HYDIN: variants seen among roughly 807,000 people sequenced by gnomAD.
The protein encoded by HYDIN is HYDIN axonemal central pair apparatus protein.
In HYDIN, 132 loss-of-function variants were observed where a neutral mutation model predicts 403.9. The ratio of observed to expected loss-of-function variants is 0.33; its 90% CI spans 0.28 to 0.38. The LOEUF is 0.38. HYDIN is among the 10% of genes least tolerant of loss of function. HYDIN has a pLI of 1.00. For synonymous variants in HYDIN, 1,202 were observed against 1,891.7 expected, an observed-to-expected ratio of 0.64 and a Z score of 9.46; for missense variants, 2,827 against 5,009.5, an observed-to-expected ratio of 0.56 and a Z score of 13.15.
In HYDIN at chr16:71,162,512, G is replaced by A; in HGVS notation, c.716+19C>T. 1 of 1,562,618 alleles carries A rather than the reference G, an allele frequency of 6.4e-7. No homozygotes were observed. Among genetic ancestry groups the A allele is most frequent in the Non-Finnish European group, 8.8e-7 (1 of 1,133,174 alleles). ...TTTAGCTATAATCAATCAAAGACAA[G>A]AGCTAAAGGCATGCATACCTACAAG... On this transcript the variant is annotated intron_variant, in intron 6 of 85. Transcript: ENST00000393567.
intron 11 of HYDIN, among the ~76,000 whole-genome samples, chr16:71,093,255 C>CTGATCCTGTAATAACTCA (rs1555639359): frequency 6.6e-5 from 10 of 152,354 alleles, no homozygotes; most frequent in African/African-American, 2.2e-4. Flanking sequence ...GAAGTAAACA[C>CTGATCCTGTAATAACTCA]TGATCCTGAA....
intron 23 of HYDIN, among the ~76,000 whole-genome samples, chr16:71,000,868 G>A (rs1045129636): frequency 2.0e-5 from 3 of 152,202 alleles, no homozygotes; most frequent in Non-Finnish European, 2.9e-5. Context: ...GTGGTCTACT[G>A]CTCTCAGGGG....
intron 62 of HYDIN, among the ~76,000 whole-genome samples, chr16:70,875,685 A>G (rs2040404388): frequency 6.6e-6 from 1 of 152,364 alleles, no homozygotes; most frequent in East Asian, 1.9e-4. Flanking sequence ...GAATATTGAC[A>G]TAAAAGATCT....
At chr16:71,067,529 T>C in intron 14 of HYDIN, 139 bp from the exon 15 acceptor site, 1 of 453,170 alleles carries the variant, frequency 2.2e-6, no homozygotes, top group Non-Finnish European at 4.0e-6. Flanking sequence ...CATTTTTAGT[T>C]GACAAGTTAC....
chr16:70,820,187 C>CTTTTTTTTTTTTTT (rs57769826), intron 83 of HYDIN, among the ~76,000 whole-genome samples: 1 of 91,816 alleles, frequency 1.1e-5, no homozygotes, highest in Non-Finnish European at 2.2e-5. Flanking sequence ...TTTCTTTTTT[C>CTTTTTTTTTTTTTT]TTTTTTTTTT....
At chr16:71,059,270 T>C (rs1438633152) in intron 18 of HYDIN, among the ~76,000 whole-genome samples, 1 of 152,096 alleles carries the variant, frequency 6.6e-6, no homozygotes, top group Admixed American at 6.5e-5. Flanking sequence ...AGGATTTTTA[T>C]AGTTTTAGGT....
At chr16:71,087,124 T>C (rs1041830671) in intron 12 of HYDIN, among the ~76,000 whole-genome samples, 2 of 152,048 alleles carry the variant, frequency 1.3e-5, no homozygotes, top group African/African-American at 4.8e-5. Context: ...GACTTAAAAA[T>C]AAAAAAGATT....
intron 1 of HYDIN, among the ~76,000 whole-genome samples, chr16:71,191,604 C>T (rs1157261043): frequency 6.6e-6 from 1 of 152,118 alleles, no homozygotes; most frequent in Non-Finnish European, 1.5e-5. Context: ...AGCCTAGACT[C>T]ACAACCTTGC....
At position 70,908,323 on chromosome 16, in the gene HYDIN, T is replaced by C. The variant is rs1387659135; in HGVS notation, c.8325A>G (p.Leu2775=). The change falls in exon 49 of 86, where the codon CTA becomes CTG. Residue 2775 remains leucine, a synonymous_variant. Transcript: ENST00000393567. ...AGAGCTGGTACTGGCAGCAAGTTCC[T>C]AGGATCTCAAAGTTAAAGGTTTGGT... is the stretch of plus-strand genomic sequence containing the variant. ...NFDQTFNFEI[L]GTCCQYQLYC... 16 of 1,398,154 alleles carry C rather than the reference T, an allele frequency of 1.1e-5. No individual in the cohort carries two copies. Among genetic ancestry groups the C allele is most frequent in the East Asian group, 4.7e-5 (2 of 42,920 alleles). The allele number at this position is 1,398,154 out of a possible 1,614,324, so 86.6% of individuals were successfully genotyped here.
chr16:70,916,596 A>C (rs948730425), intron 47 of HYDIN, among the ~76,000 whole-genome samples: 6 of 152,124 alleles, frequency 3.9e-5, no homozygotes, highest in Admixed American at 3.9e-4. Flanking sequence ...CTGGAGCTAA[A>C]ATTCACAATG....
At chr16:70,849,325 T>C (rs1185884768) in intron 75 of HYDIN, among the ~76,000 whole-genome samples, 1 of 151,982 alleles carries the variant, frequency 6.6e-6, no homozygotes, top group Non-Finnish European at 1.5e-5. Flanking sequence ...AAAAAGTTGA[T>C]TTCGAAAATT....
At chr16:70,851,203 C>CAAA (rs4028101) in intron 73 of HYDIN, among the ~76,000 whole-genome samples, 98 of 21,846 alleles carry the variant, frequency 4.5e-3, no homozygotes, top group Middle Eastern at 0.053. Context: ...ATCAATCCTG[C>CAAA]AAAAAAAAAA....
At chr16:71,202,609 T>G (rs992009627) in intron 1 of HYDIN, among the ~76,000 whole-genome samples, 1 of 152,180 alleles carries the variant, frequency 6.6e-6, no homozygotes, top group Non-Finnish European at 1.5e-5. Context: ...AATCCATCCT[T>G]TCATCCAGTT....
intron 58 of HYDIN, among the ~76,000 whole-genome samples, chr16:70,885,864 T>C (rs1182915643): frequency 1.3e-5 from 2 of 151,976 alleles, no homozygotes; most frequent in African/African-American, 4.8e-5. Flanking sequence ...AAAACCAACA[T>C]GTAGAAAACC....
intron 69 of HYDIN, 94 bp downstream of exon 69, chr16:70,861,954 A>T: frequency 8.1e-7 from 1 of 1,233,116 alleles, no homozygotes. Flanking sequence ...TAGGGCCAGA[A>T]AGGATGGTGG....
intron 7 of HYDIN, among the ~76,000 whole-genome samples, chr16:71,142,000 GAA>G (rs1422662425): frequency 6.7e-6 from 1 of 149,794 alleles, no homozygotes; most frequent in African/African-American, 2.5e-5. Context: ...AACATTGAAT[GAA>G]AAAAGCAAGT....
chr16:71,160,285 G>T (rs904423948), intron 6 of HYDIN, among the ~76,000 whole-genome samples: 6 of 149,580 alleles, frequency 4.0e-5, no homozygotes, highest in African/African-American at 1.5e-4. Context: ...CAGTAGCCCA[G>T]AAGCCTGGGT....
At position 71,061,861 on chromosome 16, in the gene HYDIN, AGTGTGTGTGT is replaced by A. The variant is rs66689823; in HGVS notation, c.2376+298_2376+307del. ...TGGAGAGGGGTCAGGCATGTGTGAC[AGTGTGTGTGT>A]GTGTGTGTGTGTGTGTGTGTGTGTC... On this transcript the variant is annotated intron_variant, in intron 17 of 85. Coordinates refer to ENST00000393567, the MANE Select transcript of HYDIN (RefSeq NM_001270974.2). Among the ~76,000 whole-genome samples, 4 of 144,022 alleles carry A rather than the reference AGTGTGTGTGT, an allele frequency of 2.8e-5. No homozygotes were observed. In the South Asian group the frequency reaches 6.8e-4, roughly 24 times the overall value. 94.5% of individuals were successfully genotyped at this position (144,022 alleles called of 152,430 possible).
At chr16:71,185,114 A>T (rs1462483759) in intron 2 of HYDIN, 124 bp from the exon 3 acceptor site, 6 of 519,456 alleles carry the variant, frequency 1.2e-5, no homozygotes, top group Middle Eastern at 4.9e-4. Flanking sequence ...AATGCCACTA[A>T]GTTCCCTTAT....
Sources: gnomAD v4.1 joint callset for allele counts (sites outside exome capture counted in the v4.1 genomes callset) on GRCh38, gnomAD v4.1.1 for gene constraint, MANE v1.5 for transcripts, NCBI Gene and HGNC (gene_info 2026-07-23, HGNC 2026-07-21) for gene names.